The following JMY variants were observed in gnomAD, a reference collection of about 807,000 sequenced individuals.
The protein encoded by JMY is junction-mediating and -regulatory protein.
Under a neutral mutation model 103.3 loss-of-function variants are expected in JMY, and 46 were observed. The observed-to-expected ratio is 0.45, with a 90% CI of 0.35 to 0.57. The LOEUF (loss-of-function observed/expected upper bound fraction) is 0.57, where lower values mean the gene tolerates loss of function less well. JMY is among the 20% of genes least tolerant of loss of function. The pLI is 0.00. For missense variants in JMY, 1,238 were observed against 1,255.2 expected (o/e 0.99, Z 0.21); for synonymous variants, 526 against 489.3 (o/e 1.07, Z -0.99).
At chr5:79,288,405 G>A (rs1473782915) in intron 2 of JMY, among the ~76,000 whole-genome samples, 1 of 151,940 alleles carries the variant, frequency 6.6e-6, no homozygotes, top group African/African-American at 2.4e-5. Flanking sequence ...GCCATCTGCA[G>A]TTAATGAACC....
intron 6 of JMY, among the ~76,000 whole-genome samples, chr5:79,301,511 A>G (rs1450632073): frequency 2.0e-5 from 3 of 152,168 alleles, no homozygotes; most frequent in South Asian, 2.1e-4. Flanking sequence ...TTCCAAGGCT[A>G]CCACTTCCTC....
rs1747646118 is a variant in JMY, at chr5:79,326,357, T to TA, written c.*4756dup. 6.9e-6 allele frequency: 1 copy of TA among 145,332 alleles called. No homozygotes were observed. The highest frequency in any genetic ancestry group is 1.5e-5 in the Non-Finnish European group (1 of 66,162). The allele number at this position is 145,332 out of a possible 1,614,324, so 9.0% of individuals were successfully genotyped here. On this transcript the variant is annotated 3_prime_UTR_variant, in exon 11 of 11. Coordinates refer to ENST00000396137, the MANE Select transcript of JMY (RefSeq NM_152405.5). ...GAAATTTGGGGATTTTTTTTTTTTT[T>TA]ACTTGCATGTTCTATGGGTAGCTAT... is the stretch of plus-strand genomic sequence containing the variant.
At chr5:79,313,913 C>T (rs922436974) in intron 8 of JMY, among the ~76,000 whole-genome samples, 16 of 152,214 alleles carry the variant, frequency 1.1e-4, no homozygotes, top group African/African-American at 3.4e-4. Flanking sequence ...GGCTGGAGTG[C>T]GGTGGCACAA....
rs746556280 is a variant in JMY, at chr5:79,290,134, A to G, written c.1220A>G (p.Asn407Ser). ...TTCTCTCTGAAGATTTCCATGGAGA[A>G]TGATTATCTGGGACCTCGAAGAATT... ...RRQQIKISME[N>S]DYLGPRRIES... is the part of the protein sequence containing the mutation. Residue 407 changes from asparagine to serine, a missense_variant, in exon 3 of 11, where the codon AAT becomes AGT. Transcript: ENST00000396137. 1.0e-5 allele frequency: 16 copies of G among 1,578,416 alleles called. No individual in the cohort carries two copies. The highest frequency in any genetic ancestry group is 1.4e-5 in the Non-Finnish European group (16 of 1,165,596).
chr5:79,306,318 GGTGTT>G (rs1045164386), intron 6 of JMY, 52 bp from the exon 7 acceptor site: 5 of 1,188,056 alleles, frequency 4.2e-6, no homozygotes, highest in Non-Finnish European at 6.3e-6. Context: ...ACCTTGGTGT[GGTGTT>G]CAGAGTCTTT....
intron 6 of JMY, among the ~76,000 whole-genome samples, chr5:79,301,692 A>T (rs1404929906): frequency 6.6e-6 from 1 of 152,196 alleles, no homozygotes; most frequent in Non-Finnish European, 1.5e-5. Context: ...TCACATAATT[A>T]TGTGCCTTTG....
intron 4 of JMY, among the ~76,000 whole-genome samples, chr5:79,296,920 A>G (rs886618828): frequency 1.3e-5 from 2 of 152,234 alleles, no homozygotes; most frequent in Non-Finnish European, 2.9e-5. Context: ...CTACTTTATC[A>G]TTATTACACA....
At position 79,327,209 on chromosome 5, in the gene JMY, T is replaced by C. The variant is rs202095277; in HGVS notation, c.*5607T>C. The C allele has an allele frequency of 5.2e-5, 1 of 19,340 alleles. No individual in the cohort carries two copies. The highest frequency in any genetic ancestry group is 2.6e-3 in the African/African-American group (1 of 386). The allele number at this position is 19,340 out of a possible 1,614,324, so 1.2% of individuals were successfully genotyped here. On this transcript the variant is annotated 3_prime_UTR_variant, in exon 11 of 11. Coordinates refer to ENST00000396137, the MANE Select transcript of JMY (RefSeq NM_152405.5). ...TTTAATAAAGGATATTTATTTGAAT[T>C]AATTAACCTGATTTTGTTTGTTTAA...
chr5:79,283,742 A>G (rs1024394832), intron 2 of JMY, among the ~76,000 whole-genome samples: 2 of 152,144 alleles, frequency 1.3e-5, no homozygotes, highest in Non-Finnish European at 2.9e-5. Flanking sequence ...GACCTCAGCA[A>G]TCTTTGTTTT....
chr5:79,279,359 C>T (rs990637008), intron 2 of JMY, among the ~76,000 whole-genome samples: 1 of 152,076 alleles, frequency 6.6e-6, no homozygotes, highest in Non-Finnish European at 1.5e-5. Context: ...TTTTTTCCCC[C>T]ACAACATGGG....
intron 2 of JMY, among the ~76,000 whole-genome samples, chr5:79,285,626 T>C (rs1224928677): frequency 2.6e-5 from 4 of 152,032 alleles, no homozygotes; most frequent in Admixed American, 2.0e-4. Flanking sequence ...CTCTCAACAA[T>C]ATTTGCTCTG....
chr5:79,241,384 G>A (rs558723986), intron 1 of JMY, among the ~76,000 whole-genome samples: 2 of 152,334 alleles, frequency 1.3e-5, no homozygotes, highest in South Asian at 4.1e-4. Context: ...CTTAGAAGAT[G>A]TGTCCTTTTA....
At chr5:79,251,391 C>T (rs1580330222) in intron 1 of JMY, among the ~76,000 whole-genome samples, 1 of 152,094 alleles carries the variant, frequency 6.6e-6, no homozygotes, top group African/African-American at 2.4e-5. Context: ...GCCACCATGC[C>T]CAGCTAATTT....
At chr5:79,274,207 A>C (rs1745869993) in intron 1 of JMY, among the ~76,000 whole-genome samples, 1 of 151,946 alleles carries the variant, frequency 6.6e-6, no homozygotes, top group African/African-American at 2.4e-5. Flanking sequence ...CATACTCTAT[A>C]CCCATACAGC....
chr5:79,288,717 T>G (rs974430598), intron 2 of JMY, among the ~76,000 whole-genome samples: 20 of 146,166 alleles, frequency 1.4e-4, no homozygotes, highest in African/African-American at 3.2e-4. Context: ...TTTTGTTTTG[T>G]TTTTTTTTGT....
At chr5:79,279,928 C>T (rs1344213821) in intron 2 of JMY, among the ~76,000 whole-genome samples, 3 of 152,060 alleles carry the variant, frequency 2.0e-5, no homozygotes, top group African/African-American at 7.2e-5. Flanking sequence ...ACTGCAGTCT[C>T]GATGTCCTGG....
Position 79,237,392 on chromosome 5 carries a change from G to C in JMY, c.742G>C (p.Val248Leu). 6.2e-7 allele frequency: 1 copy of C among 1,613,496 alleles called. No individual in the cohort carries two copies. Among genetic ancestry groups the C allele is most frequent in the Non-Finnish European group, 8.5e-7 (1 of 1,179,988 alleles). ...LRAVHQQLCS[V>L]NSQLEPCLPV... is the part of the protein sequence containing the mutation. ...CGCCGTGCACCAGCAGCTGTGCTCG[G>C]TGAACTCGCAGTTGGAGCCGTGCCT... Residue 248 changes from valine to leucine, a missense_variant, in exon 1 of 11, where the codon GTG (valine) becomes CTG (leucine). Physicochemically the swap from Val to Leu is conservative, Grantham distance 32. Transcript: ENST00000396137.
chr5:79,321,988 A>G lies in JMY; in HGVS notation c.*386A>G, dbSNP rs561283963. 6.6e-6 allele frequency: 1 copy of G among 152,348 alleles called. No homozygotes were observed. Among genetic ancestry groups the G allele is most frequent in the South Asian group, 2.1e-4 (1 of 4,828 alleles). The allele number at this position is 152,348 out of a possible 1,614,324, so 9.4% of individuals were successfully genotyped here. On this transcript the variant is annotated 3_prime_UTR_variant, in exon 11 of 11. Transcript: ENST00000396137. Reference sequence around the variant, plus strand: ...TGAGCTGTATTGGGACTGCTTTGAGAACCATCTTTCAATGCACTGAAAAGT... The same window carrying G: ...TGAGCTGTATTGGGACTGCTTTGAGGACCATCTTTCAATGCACTGAAAAGT...
At chr5:79,283,671 C>T (rs567658418) in intron 2 of JMY, among the ~76,000 whole-genome samples, 1 of 152,312 alleles carries the variant, frequency 6.6e-6, no homozygotes, top group South Asian at 2.1e-4. Context: ...ACCTGGAATC[C>T]TGTAGAAATA....
Sources: allele counts gnomAD v4.1 joint callset (sites outside exome capture counted in the v4.1 genomes callset), GRCh38; gene constraint gnomAD v4.1.1; transcripts MANE v1.5; gene names NCBI Gene and HGNC (gene_info 2026-07-23, HGNC 2026-07-21).